Variants in TUSC3 observed in about 807,000 individuals in gnomAD.
TUSC3 encodes the protein dolichyl-diphosphooligosaccharide--protein glycosyltransferase subunit TUSC3.
A neutral mutation model predicts 44.8 loss-of-function variants in TUSC3; 45 were observed. The observed-to-expected ratio is 1.00, with a 90% confidence interval of 0.79 to 1.29. The LOEUF (loss-of-function observed/expected upper bound fraction) is 1.29. Among genes scored for constraint, TUSC3 ranks in the 50% most tolerant of loss-of-function variants. The pLI is 0.00. For synonymous variants in TUSC3, 212 were observed against 152.9 expected (o/e 1.39, Z -2.85); for missense variants, 519 against 437.9 (o/e 1.19, Z -1.65).
chr8:15,460,557 GT>G (rs1800331607), intron 1 of TUSC3, among the ~76,000 whole-genome samples: 1 of 151,962 alleles, frequency 6.6e-6, no homozygotes, highest in Non-Finnish European at 1.5e-5. Flanking sequence ...TTTATCTCTG[GT>G]TTTATTCCAT....
chr8:15,640,219 T>A (rs1806302947), intron 2 of TUSC3, among the ~76,000 whole-genome samples: 1 of 152,206 alleles, frequency 6.6e-6, no homozygotes. Context: ...GGGCACTGAA[T>A]CTGTAATGAA....
At chr8:15,461,649 A>G (rs1158490765) in intron 1 of TUSC3, among the ~76,000 whole-genome samples, 1 of 151,958 alleles carries the variant, frequency 6.6e-6, no homozygotes, top group Non-Finnish European at 1.5e-5. Flanking sequence ...TTCCCCATTC[A>G]GTATTACGTT....
chr8:15,837,420 C>A, the TUSC3 span, among the ~76,000 whole-genome samples: 1 of 152,052 alleles, frequency 6.6e-6, no homozygotes, highest in African/African-American at 2.4e-5. Flanking sequence ...ATTATACGTA[C>A]ATTGGATCTC....
intron 1 of TUSC3, among the ~76,000 whole-genome samples, chr8:15,561,871 G>A (rs901661004): frequency 1.3e-4 from 20 of 152,174 alleles, no homozygotes; most frequent in African/African-American, 3.9e-4. Flanking sequence ...GCTGGCGCAC[G>A]GTGTGCGCAC....
intron 8 of TUSC3, 150 bp downstream of exon 8, chr8:15,743,762 ATG>A: frequency 2.3e-6 from 2 of 853,864 alleles, no homozygotes; most frequent in Non-Finnish European, 3.9e-6. Context: ...TATTGCTGGG[ATG>A]TGTTCATATA....
intron 10 of TUSC3, 126 bp from the exon 11 acceptor site, chr8:15,764,077 T>C (rs1244963336): frequency 1.0e-6 from 1 of 998,266 alleles, no homozygotes; most frequent in Non-Finnish European, 1.5e-6. Context: ...AAATTACAAT[T>C]AGTTGAATAC....
chr8:15,525,868 A>G (rs1322704183), intron 2 of TUSC3, among the ~76,000 whole-genome samples: 3 of 152,172 alleles, frequency 2.0e-5, no homozygotes, highest in African/African-American at 7.2e-5. Context: ...TGGGGGAAAA[A>G]GTAGTCACAA....
At chr8:15,422,390 G>A (rs542980389) in intron 1 of TUSC3, among the ~76,000 whole-genome samples, 2 of 152,254 alleles carry the variant, frequency 1.3e-5, no homozygotes, top group South Asian at 2.1e-4. Flanking sequence ...ACCTACTAGA[G>A]AGATTACTCC....
rs1168754765 is a variant in TUSC3 at position 15,456,683 on chromosome 8, G to T, written n.92-26703G>T. Among the ~76,000 whole-genome samples, 7 of 152,140 alleles carry T rather than the reference G, an allele frequency of 4.6e-5. No homozygotes were observed. The East Asian group carries it at 1.4e-3, about 29-fold the overall frequency. On this transcript the variant is annotated intron_variant and non_coding_transcript_variant, in intron 1 of 5. Coordinates refer to the TUSC3 transcript ENST00000503191. The stretch of plus-strand genomic sequence containing the variant: ...AAAATTCAATAAATGAAAAAGAGTA[G>T]TCATTCATATGGATAAAGACAAAAT...
chr8:15,664,344 C>T (rs760382163), intron 5 of TUSC3, among the ~76,000 whole-genome samples: 8 of 151,430 alleles, frequency 5.3e-5, no homozygotes, highest in Non-Finnish European at 1.0e-4. Flanking sequence ...CTTATGACTA[C>T]AAATAAATTC....
intron 2 of TUSC3, among the ~76,000 whole-genome samples, chr8:15,507,193 C>G (rs1251787313): frequency 1.3e-5 from 2 of 152,104 alleles, no homozygotes; most frequent in African/African-American, 4.8e-5. Context: ...AGGAACTTGG[C>G]TCTGCATTCA....
the TUSC3 span, among the ~76,000 whole-genome samples, chr8:15,793,635 A>G: frequency 6.5e-4 from 99 of 152,280 alleles, 1 homozygote; most frequent in Non-Finnish European, 1.2e-3. Context: ...TTATTTATTT[A>G]CATAATGTAT....
intron 1 of TUSC3, among the ~76,000 whole-genome samples, chr8:15,467,575 T>G (rs1170250301): frequency 6.6e-6 from 1 of 152,190 alleles, no homozygotes; most frequent in Non-Finnish European, 1.5e-5. Context: ...ATATTAGTCC[T>G]GAAAGAGTAA....
At chr8:15,472,773 A>G (rs1800511340) in intron 1 of TUSC3, among the ~76,000 whole-genome samples, 1 of 152,190 alleles carries the variant, frequency 6.6e-6, no homozygotes, top group East Asian at 1.9e-4. Context: ...GACAAGATCA[A>G]ATCCATTATG....
At chr8:15,713,304 A>G (rs886741890) in intron 6 of TUSC3, among the ~76,000 whole-genome samples, 2 of 152,178 alleles carry the variant, frequency 1.3e-5, no homozygotes, top group African/African-American at 4.8e-5. Context: ...AGTATATATA[A>G]TACATGTGTT....
intron 5 of TUSC3, among the ~76,000 whole-genome samples, chr8:15,668,692 C>G (rs1807790947): frequency 6.6e-6 from 1 of 151,816 alleles, no homozygotes; most frequent in South Asian, 2.1e-4. Flanking sequence ...AAAGGACTAG[C>G]TTTGAGGGTG....
At chr8:15,614,000 T>C (rs1463023127) in intron 1 of TUSC3, among the ~76,000 whole-genome samples, 1 of 129,582 alleles carries the variant, frequency 7.7e-6, no homozygotes. Flanking sequence ...TTTGTGAAGC[T>C]TCTGGTGTTT....
intron 1 of TUSC3, among the ~76,000 whole-genome samples, chr8:15,605,286 T>C (rs1350661095): frequency 6.6e-6 from 1 of 152,034 alleles, no homozygotes; most frequent in Middle Eastern, 3.4e-3. Context: ...AAATTACTTG[T>C]CTTTTAGTCA....
chr8:15,742,356 G>A (rs1811233225), intron 7 of TUSC3, among the ~76,000 whole-genome samples: 1 of 152,096 alleles, frequency 6.6e-6, no homozygotes, highest in African/African-American at 2.4e-5. Context: ...TGTATAGAGA[G>A]GTCATGGAAG....
Sources: allele counts gnomAD v4.1 joint callset (sites outside exome capture counted in the v4.1 genomes callset), GRCh38; gene constraint gnomAD v4.1.1; transcripts MANE v1.5; gene names NCBI Gene and HGNC (gene_info 2026-07-23, HGNC 2026-07-21).